Variants in ATP10B observed in about 807,000 individuals in gnomAD.
The protein encoded by ATP10B is phospholipid-transporting ATPase VB.
In ATP10B, 122 loss-of-function variants were observed where a neutral mutation model predicts 141.2. The observed-to-expected ratio is 0.86, with a 90% CI of 0.75 to 1.00. ATP10B has a LOEUF of 1.00. Among genes scored for constraint, ATP10B ranks in the 50% least tolerant of loss-of-function variants. ATP10B has a pLI of 0.00. For synonymous variants in ATP10B, 685 were observed against 692.0 expected (o/e 0.99, Z 0.16); for missense variants, 1,876 against 1,825.3 (o/e 1.03, Z -0.51).
chr5:160,719,281 T>G (rs1386157785), intron 2 of ATP10B, among the ~76,000 whole-genome samples: 1 of 151,992 alleles, frequency 6.6e-6, no homozygotes, highest in Non-Finnish European at 1.5e-5. Flanking sequence ...GCGCCTGTAG[T>G]CCCAGCTACT....
chr5:160,737,403 G>C (rs1458546909), intron 2 of ATP10B, among the ~76,000 whole-genome samples: 1 of 152,146 alleles, frequency 6.6e-6, no homozygotes, highest in African/African-American at 2.4e-5. Context: ...GTCCTAGCTA[G>C]AGCAATCAGA....
the ATP10B span, among the ~76,000 whole-genome samples, chr5:160,903,968 T>C: frequency 5.3e-5 from 8 of 152,108 alleles, no homozygotes; most frequent in Admixed American, 1.3e-4. Flanking sequence ...CTATGGGTCA[T>C]CCTCACCTGA....
chr5:160,706,939 T>C (rs2163760), intron 3 of ATP10B, among the ~76,000 whole-genome samples: 124,097 of 152,028 alleles, frequency 0.82, 50,996 homozygotes, highest in East Asian at 0.9. Context: ...GTTGGTTTGT[T>C]TTAATATTTA....
chr5:160,577,665 T>A (rs1481044043), intron 24 of ATP10B, among the ~76,000 whole-genome samples: 1 of 152,232 alleles, frequency 6.6e-6, no homozygotes, highest in Non-Finnish European at 1.5e-5. Flanking sequence ...AGAATTTCCA[T>A]CATGACTTAC....
At chr5:160,645,114 C>CT (rs1371137711) in intron 8 of ATP10B, among the ~76,000 whole-genome samples, 1 of 87,708 alleles carries the variant, frequency 1.1e-5, no homozygotes, top group African/African-American at 3.9e-5. Context: ...AAGACTCCAT[C>CT]TTAAAAAAAA....
At chr5:160,817,186 A>T (rs185125805) in intron 1 of ATP10B, among the ~76,000 whole-genome samples, 19 of 152,248 alleles carry the variant, frequency 1.2e-4, no homozygotes, top group Non-Finnish European at 2.1e-4. Flanking sequence ...TAAAGGGTAT[A>T]CAATTAGGAA....
chr5:160,880,433 A>G, the ATP10B span, among the ~76,000 whole-genome samples: 2 of 152,064 alleles, frequency 1.3e-5, no homozygotes, highest in Non-Finnish European at 2.9e-5. Flanking sequence ...TTTTGTGGCT[A>G]TCAACAAACT....
chr5:160,830,244 G>C (rs1344122608), intron 1 of ATP10B, among the ~76,000 whole-genome samples: 1 of 151,980 alleles, frequency 6.6e-6, no homozygotes, highest in African/African-American at 2.4e-5. Context: ...CATATTTATT[G>C]ATTTATATAT....
At chr5:160,644,300 C>G in intron 8 of ATP10B, 56 bp from the exon 9 acceptor site, 2 of 1,224,448 alleles carry the variant, frequency 1.6e-6, no homozygotes, top group Non-Finnish European at 2.4e-6. Flanking sequence ...CTTGCTGTCA[C>G]TGGGTACTGT....
Position 160,620,695 on chromosome 5 carries a change from T to C in ATP10B, c.2068A>G (p.Ile690Val). ...YRSSMWDQGD[I>V]LESGSGTSLE... ...GAAGTGCCTGACCCAGACTCCAGGA[T>C]GTCGCCCTGGTCCCACATGCTGCTC... The change falls in exon 15 of 26, where the codon ATC (isoleucine) becomes GTC (valine). Residue 690 changes from isoleucine to valine, a missense_variant. Ile to Val is a conservative substitution (Grantham distance 29). Coordinates refer to ENST00000327245, the MANE Select transcript of ATP10B (RefSeq NM_025153.3). 1 of 1,614,146 alleles carries C rather than the reference T, an allele frequency of 6.2e-7. No individual in the cohort carries two copies. Among genetic ancestry groups the C allele is most frequent in the Non-Finnish European group, 8.5e-7 (1 of 1,179,986 alleles).
intron 2 of ATP10B, among the ~76,000 whole-genome samples, chr5:160,748,879 T>C (rs975630418): frequency 6.6e-6 from 1 of 152,214 alleles, no homozygotes; most frequent in Non-Finnish European, 1.5e-5. Flanking sequence ...AATAAAATAA[T>C]GTAGCTACTG....
Position 160,785,420 on chromosome 5 carries a change from G to GT in ATP10B, c.-331+138dup, listed in dbSNP as rs373013145. 408 of 331,986 alleles carry GT rather than the reference G, an allele frequency of 1.2e-3. 3 individuals carry two copies. Among genetic ancestry groups the GT allele is most frequent in the African/African-American group, 6.9e-3 (313 of 45,330 alleles). The allele number at this position is 331,986 out of a possible 1,614,324, so 20.6% of individuals were successfully genotyped here. On this transcript the variant is annotated intron_variant, in intron 2 of 25. Coordinates refer to ENST00000327245, the MANE Select transcript of ATP10B (RefSeq NM_025153.3). Reference sequence around the variant, plus strand: ...GGTTGGAGGAAGAGATAGCGGTGGTGTTTTTTTTGTTCTGTTTTGTTTTGT... The same window carrying GT: ...GGTTGGAGGAAGAGATAGCGGTGGTGTTTTTTTTTGTTCTGTTTTGTTTTGT...
chr5:160,782,475 ACACACT>A (rs1474016146), intron 2 of ATP10B, among the ~76,000 whole-genome samples: 4 of 141,154 alleles, frequency 2.8e-5, no homozygotes, highest in East Asian at 4.0e-4. Flanking sequence ...ACACACACAC[ACACACT>A]CACTCACTTT....
chr5:160,880,648 C>T, the ATP10B span, among the ~76,000 whole-genome samples: 8 of 152,186 alleles, frequency 5.3e-5, no homozygotes, highest in African/African-American at 1.4e-4. Context: ...TGTATATATA[C>T]AATCAGCTGA....
chr5:160,833,668 T>C (rs1352834804), intron 1 of ATP10B, among the ~76,000 whole-genome samples: 1 of 152,064 alleles, frequency 6.6e-6, no homozygotes, highest in South Asian at 2.1e-4. Context: ...ATGATTACAA[T>C]ATGTGAAAGG....
the ATP10B span, among the ~76,000 whole-genome samples, chr5:160,905,692 C>T: frequency 6.6e-6 from 1 of 151,136 alleles, no homozygotes; most frequent in African/African-American, 2.4e-5. Context: ...CAATGAGTGC[C>T]TCCTAAATGT....
At chr5:160,618,267 A>C (rs140238019) in intron 15 of ATP10B, among the ~76,000 whole-genome samples, 111 of 152,352 alleles carry the variant, frequency 7.3e-4, no homozygotes, top group Non-Finnish European at 1.4e-3. Context: ...AGCTGTTTGC[A>C]TGAGAACCGC....
At chr5:160,785,421 T>G in intron 2 of ATP10B, 138 bp downstream of exon 2, 1 of 318,914 alleles carries the variant, frequency 3.1e-6, no homozygotes, top group Non-Finnish European at 6.1e-6. Context: ...AGCGGTGGTG[T>G]TTTTTTTGTT....
intron 1 of ATP10B, among the ~76,000 whole-genome samples, chr5:160,837,228 T>G (rs1775500659): frequency 6.6e-6 from 1 of 152,150 alleles, no homozygotes; most frequent in African/African-American, 2.4e-5. Flanking sequence ...TATTACAAAA[T>G]CAGCTACTAT....
Sources: gnomAD v4.1 joint callset for allele counts (sites outside exome capture counted in the v4.1 genomes callset) on GRCh38, gnomAD v4.1.1 for gene constraint, MANE v1.5 for transcripts, NCBI Gene and HGNC (gene_info 2026-07-23, HGNC 2026-07-21) for gene names.